ADGRV1: variants seen among roughly 807,000 people sequenced by gnomAD.
The protein encoded by ADGRV1 is G-protein coupled receptor 98.
Under a neutral mutation model 596.2 loss-of-function variants are expected in ADGRV1, and 359 were observed. The ratio of observed to expected loss-of-function variants is 0.60; its 90% CI spans 0.55 to 0.66. The LOEUF (loss-of-function observed/expected upper bound fraction) is 0.66, where lower values mean the gene tolerates loss of function less well. Ranked by LOEUF, ADGRV1 falls within the 30% of genes least tolerant of loss-of-function variation. ADGRV1 has a pLI of 0.00. For missense variants in ADGRV1, 7,274 were observed against 7,575.6 expected, an observed-to-expected ratio of 0.96 and a Z score of 1.48; for synonymous variants, 2,681 against 2,679.2, an observed-to-expected ratio of 1.00 and a Z score of -0.02.
At chr5:90,690,662 A>G in intron 30 of ADGRV1, 135 bp from the exon 31 acceptor site, 3 of 844,512 alleles carry the variant, frequency 3.6e-6, no homozygotes, top group Non-Finnish European at 5.4e-6. Flanking sequence ...ACAGCATGTT[A>G]CTCTGGTTTT....
intron 59 of ADGRV1, among the ~76,000 whole-genome samples, chr5:90,765,056 A>G (rs1756951462): frequency 6.6e-6 from 1 of 152,038 alleles, no homozygotes; most frequent in African/African-American, 2.4e-5. Context: ...CTTGGGGGTC[A>G]ATCTCTGTGG....
chr5:91,081,677 T>A (rs1428505595), intron 86 of ADGRV1, among the ~76,000 whole-genome samples: 3 of 152,046 alleles, frequency 2.0e-5, no homozygotes, highest in Non-Finnish European at 4.4e-5. Flanking sequence ...TCCCAGCTAC[T>A]TGGGAGGCTG....
At chr5:91,089,781 T>C (rs111391632) in intron 86 of ADGRV1, among the ~76,000 whole-genome samples, 5,049 of 152,280 alleles carry the variant, frequency 0.033, 98 homozygotes, top group South Asian at 0.066. Flanking sequence ...TCATCTAATG[T>C]CCAAAAATTA....
chr5:91,006,205 A>T (rs1395584747), intron 85 of ADGRV1, among the ~76,000 whole-genome samples: 1 of 152,168 alleles, frequency 6.6e-6, no homozygotes, highest in Admixed American at 6.6e-5. Flanking sequence ...ATACTACACA[A>T]GTTATACCCT....
chr5:90,716,562 G>A lies in ADGRV1; in HGVS notation c.9280G>A (p.Val3094Ile), dbSNP rs13157270. The stretch of plus-strand genomic sequence containing the variant: ...CCTAAGAGAGCCAACAGCTCTCTAC[G>A]TCCAGGAGAGTGTTGCAGTATTGTA... ...FFLREPTALY[V>I]QESVAVLYIV... Residue 3094 changes from valine (V) to isoleucine (I), a missense_variant, in exon 43 of 90, where the codon GTC becomes ATC. Physicochemically the swap from Val to Ile is conservative, Grantham distance 29. Coordinates refer to ENST00000405460, the MANE Select transcript of ADGRV1 (RefSeq NM_032119.4). 125,352 of 1,613,136 alleles carry A rather than the reference G, an allele frequency of 0.078. 5,355 individuals carry two copies. The highest frequency in any genetic ancestry group is 0.086 in the Non-Finnish European group (101,527 of 1,179,262).
At chr5:91,150,937 C>T (rs981134069) in intron 88 of ADGRV1, among the ~76,000 whole-genome samples, 3 of 152,212 alleles carry the variant, frequency 2.0e-5, no homozygotes, top group African/African-American at 7.2e-5. Flanking sequence ...CCCTGAATTC[C>T]TTTGGCCAGG....
chr5:90,908,883 G>A (rs1397994270), intron 83 of ADGRV1, among the ~76,000 whole-genome samples: 1 of 152,162 alleles, frequency 6.6e-6, no homozygotes, highest in African/African-American at 2.4e-5. Flanking sequence ...ATGCTCAGAG[G>A]AATAATCACT....
intron 89 of ADGRV1, among the ~76,000 whole-genome samples, chr5:91,161,111 C>T (rs1221125710): frequency 6.6e-6 from 1 of 152,162 alleles, no homozygotes; most frequent in Non-Finnish European, 1.5e-5. Context: ...TCAGTCTTCC[C>T]TGAGGCTAAT....
chr5:91,088,256 C>T (rs1790058659), intron 86 of ADGRV1, among the ~76,000 whole-genome samples: 1 of 152,162 alleles, frequency 6.6e-6, no homozygotes, highest in Admixed American at 6.5e-5. Flanking sequence ...TTGAATTATA[C>T]AATCTCCAAG....
chr5:90,592,877 G>A (rs1308077770), intron 1 of ADGRV1, among the ~76,000 whole-genome samples: 7 of 152,180 alleles, frequency 4.6e-5, no homozygotes, highest in Non-Finnish European at 1.0e-4. Flanking sequence ...TCAGAGAAAT[G>A]CAAATCAAAA....
chr5:90,975,717 G>T (rs1562030033), intron 84 of ADGRV1, among the ~76,000 whole-genome samples: 2 of 151,920 alleles, frequency 1.3e-5, no homozygotes, highest in Non-Finnish European at 2.9e-5. Flanking sequence ...GTCGAGGGAG[G>T]GGTTAGGGAA....
At chr5:90,624,200 G>A (rs1355579820) in intron 5 of ADGRV1, among the ~76,000 whole-genome samples, 1 of 152,130 alleles carries the variant, frequency 6.6e-6, no homozygotes. Context: ...GAAAAACACA[G>A]TAAACACTAA....
At chr5:91,009,208 G>A (rs1782530770) in intron 85 of ADGRV1, among the ~76,000 whole-genome samples, 2 of 152,102 alleles carry the variant, frequency 1.3e-5, no homozygotes, top group South Asian at 4.1e-4. Context: ...AGGTCAAAGG[G>A]AGCAACTATG....
At chr5:90,956,870 G>A (rs1777527939) in intron 83 of ADGRV1, among the ~76,000 whole-genome samples, 1 of 152,146 alleles carries the variant, frequency 6.6e-6, no homozygotes, top group Non-Finnish European at 1.5e-5. Context: ...ATAACTGTGT[G>A]ACATCTGTGG....
intron 45 of ADGRV1, among the ~76,000 whole-genome samples, chr5:90,721,337 T>C (rs1750903493): frequency 6.6e-6 from 1 of 151,378 alleles, no homozygotes; most frequent in African/African-American, 2.4e-5. Context: ...ACCCCATCTT[T>C]ACTAAAAATA....
chr5:90,570,294 ATAT>A (rs1756354537), intron 1 of ADGRV1, among the ~76,000 whole-genome samples: 1 of 152,102 alleles, frequency 6.6e-6, no homozygotes. Flanking sequence ...GAGAAATCAG[ATAT>A]TAATCAGGAT....
chr5:91,080,307 A>G, intron 86 of ADGRV1, among the ~76,000 whole-genome samples: 1 of 152,202 alleles, frequency 6.6e-6, no homozygotes, highest in Non-Finnish European at 1.5e-5. Flanking sequence ...CCTATTAAGC[A>G]GGTATGATTT....
rs766153471 is a variant in ADGRV1, at chr5:90,779,007, A to G, written c.12992A>G (p.Lys4331Arg). The G allele has an allele frequency of 1.2e-6, 2 of 1,613,446 alleles. No homozygotes were observed. The highest frequency in any genetic ancestry group is 2.2e-5 in the East Asian group (1 of 44,866). The change falls in exon 64 of 90, where the codon AAA becomes AGA. Residue 4331 changes from lysine (K) to arginine (R), a missense_variant. By Grantham distance (26) the Lys-to-Arg change is conservative. Around this residue, in one of 5 missense-constraint regions of ADGRV1, gnomAD observed 3,643 missense variants for 3,809.2 expected, o/e 0.96. Transcript: ENST00000405460. ...ELLFEAGEMR[K>R]SLHVEILDDD... ...CTCTTTGAAGCAGGGGAGATGAGGA[A>G]AAGTCTGCATGTTGAAATCCTTGAT...
chr5:90,633,219 A>G (rs545464481), intron 9 of ADGRV1, among the ~76,000 whole-genome samples: 2 of 152,328 alleles, frequency 1.3e-5, no homozygotes, highest in South Asian at 2.1e-4. Flanking sequence ...CTTATAGGCT[A>G]GGAAATAAGC....
Sources: allele counts gnomAD v4.1 joint callset (sites outside exome capture counted in the v4.1 genomes callset), GRCh38; gene constraint gnomAD v4.1.1; regional missense constraint gnomAD v4.1.1; transcripts MANE v1.5; gene names NCBI Gene and HGNC (gene_info 2026-07-23, HGNC 2026-07-21).